The following MON2 variants were observed in gnomAD, a reference collection of about 807,000 sequenced individuals.
The protein encoded by MON2 is MON2 regulator of endosome-to-Golgi trafficking, also known as protein MON2 homolog.
MON2 carries 84 observed loss-of-function variants against 208.6 expected under a neutral mutation model. That is an observed-to-expected ratio of 0.40 (90% CI 0.34 to 0.48). The LOEUF is 0.48. Ranked by LOEUF, MON2 falls within the 20% of genes least tolerant of loss-of-function variation. The pLI, the probability that MON2 is intolerant of heterozygous loss-of-function variation, is 0.59. For missense variants in MON2, 1,611 were observed against 2,015.4 expected, an observed-to-expected ratio of 0.80 and a Z score of 3.84; for synonymous variants, 660 against 694.0, an observed-to-expected ratio of 0.95 and a Z score of 0.77.
chr12:62,587,379 T>A (rs989172781), intron 33 of MON2, among the ~76,000 whole-genome samples: 12 of 147,402 alleles, frequency 8.1e-5, no homozygotes, highest in Admixed American at 1.4e-4. Flanking sequence ...CTAATTAGTT[T>A]AAAAAAAAAA....
At chr12:62,513,051 A>G (rs1245220603) in intron 8 of MON2, among the ~76,000 whole-genome samples, 2 of 152,132 alleles carry the variant, frequency 1.3e-5, no homozygotes, top group African/African-American at 2.4e-5. Context: ...CCAGCCCACA[A>G]AACCACGTTT....
rs147998476 is a variant in MON2 at position 62,532,644 on chromosome 12, C to T, written c.1607C>T (p.Thr536Ile). 1.7e-4 allele frequency: 277 copies of T among 1,612,566 alleles called. 2 individuals are homozygous for T. The African/African-American group carries it at 2.9e-3, about 17-fold the overall frequency. ...ACAGAACAGCAGGATTTACAGTCAA[C>T]ATCAGACCAAATGGATAAGGAAATT... ...QSTEQQDLQS[T>I]SDQMDKEIVS... The change falls in exon 12 of 35, where the codon ACA becomes ATA. Residue 536 changes from threonine to isoleucine, a missense_variant. Thr to Ile is a moderately conservative substitution (Grantham distance 89). Coordinates refer to ENST00000393630, the MANE Select transcript of MON2 (RefSeq NM_015026.3).
intron 4 of MON2, among the ~76,000 whole-genome samples, chr12:62,498,227 G>C (rs2070641066): frequency 6.6e-6 from 1 of 152,092 alleles, no homozygotes; most frequent in East Asian, 1.9e-4. Context: ...AAGAAGGTGG[G>C]CCCAAATGAG....
chr12:62,504,683 C>CTT (rs75092735), intron 7 of MON2, among the ~76,000 whole-genome samples: 2 of 151,962 alleles, frequency 1.3e-5, no homozygotes, highest in Non-Finnish European at 2.9e-5. Flanking sequence ...GTATTTGTTT[C>CTT]TTTTTTTAAC....
Position 62,598,455 on chromosome 12 carries a change from T to C in MON2, c.*5706T>C, listed in dbSNP as rs1050920530. ...TGGAGAAAAATACTCCATACCTATA[T>C]TGCAATTTTATTTTTATCTAGAAAA... On this transcript the variant is annotated 3_prime_UTR_variant, in exon 35 of 35. Coordinates refer to ENST00000393630, the MANE Select transcript of MON2 (RefSeq NM_015026.3). The C allele has an allele frequency of 5.3e-5, 8 of 152,180 alleles. No individual in the cohort carries two copies. The highest frequency in any genetic ancestry group is 1.9e-4 in the African/African-American group (8 of 41,464). 9.4% of individuals were successfully genotyped at this position (152,180 alleles called of 1,614,324 possible).
chr12:62,555,320 C>T (rs2073917750), intron 24 of MON2, among the ~76,000 whole-genome samples: 1 of 151,868 alleles, frequency 6.6e-6, no homozygotes, highest in African/African-American at 2.4e-5. Context: ...GCTGGGACTA[C>T]AGATGTATAA....
chr12:62,592,613 T>C lies in MON2; in HGVS notation c.5018T>C (p.Ile1673Thr). The C allele has an allele frequency of 6.2e-7, 1 of 1,604,236 alleles. No homozygotes were observed. Among genetic ancestry groups the C allele is most frequent in the Non-Finnish European group, 8.5e-7 (1 of 1,172,756 alleles). The change falls in exon 35 of 35, where the codon ATT becomes ACT. Residue 1673 changes from isoleucine (I) to threonine (T), a missense_variant. Transcript: ENST00000393630. ...GATGGAAATACCTGGGCACAAGTAA[T>C]TGCCTTATACCCAACTTTAGTAGAA... ...NVDGNTWAQV[I>T]ALYPTLVECI...
chr12:62,471,124 A>C (rs566397649), intron 1 of MON2, among the ~76,000 whole-genome samples: 1 of 152,140 alleles, frequency 6.6e-6, no homozygotes, highest in Non-Finnish European at 1.5e-5. Flanking sequence ...GGCTTGGGAA[A>C]CTAGGTGGAT....
intron 34 of MON2, among the ~76,000 whole-genome samples, chr12:62,590,648 G>A (rs2075369479): frequency 6.6e-6 from 1 of 152,084 alleles, no homozygotes; most frequent in African/African-American, 2.4e-5. Flanking sequence ...TCCCGGTTTT[G>A]TACACAAATG....
intron 31 of MON2, among the ~76,000 whole-genome samples, chr12:62,579,063 C>A (rs1306169132): frequency 4.6e-5 from 7 of 151,328 alleles, no homozygotes; most frequent in Non-Finnish European, 2.9e-5. Flanking sequence ...TAGCAAGACA[C>A]CATCTCTACA....
In MON2 at chr12:62,588,316, CAATT is replaced by C. The variant is rs1164131783; in HGVS notation, c.4990+163_4990+166del. On this transcript the variant is annotated intron_variant, in intron 34 of 34. Transcript: ENST00000393630. The stretch of plus-strand genomic sequence containing the variant: ...CAAAGCATCAAGTCCATTAGGATGT[CAATT>C]AAGTAAAATTAATTTGTGATGTTTT... Among the ~76,000 whole-genome samples, 8 of 151,614 alleles carry C rather than the reference CAATT, an allele frequency of 5.3e-5. No individual in the cohort carries two copies. In the East Asian group the frequency reaches 1.5e-3, roughly 29 times the overall value.
At chr12:62,551,458 A>T (rs2073740734) in intron 23 of MON2, among the ~76,000 whole-genome samples, 1 of 152,214 alleles carries the variant, frequency 6.6e-6, no homozygotes, top group Non-Finnish European at 1.5e-5. Context: ...TGCACCCCAA[A>T]ATAGTTGCAA....
chr12:62,534,549 A>ATATATATATATATTT (rs2072860996), intron 12 of MON2, among the ~76,000 whole-genome samples: 1 of 76,114 alleles, frequency 1.3e-5, no homozygotes, highest in Non-Finnish European at 2.7e-5. Flanking sequence ...AAAAATATAT[A>ATATATATATATATTT]TATATATATA....
At chr12:62,590,312 G>C (rs10784310) in intron 34 of MON2, among the ~76,000 whole-genome samples, 114,667 of 151,574 alleles carry the variant, frequency 0.76, 44,081 homozygotes, top group African/African-American at 0.84. Flanking sequence ...AGGCTGGTCT[G>C]ATACTTCTGA....
In MON2 at chr12:62,534,870, G is replaced by A. The variant is rs767663879; in HGVS notation, c.1659G>A (p.Met553Ile). Residue 553 changes from methionine (M) to isoleucine (I), a missense_variant, in exon 13 of 35, where the codon ATG (methionine) becomes ATA (isoleucine). Transcript: ENST00000393630. ...EIVSRAVWEE[M>I]VNACWCGLLA... is the part of the protein sequence containing the mutation. Reference sequence around the variant, plus strand: ...TTAGTAGGGCTGTTTGGGAAGAAATGGTGAATGCCTGCTGGTGTGGTCTTC... The same window carrying A: ...TTAGTAGGGCTGTTTGGGAAGAAATAGTGAATGCCTGCTGGTGTGGTCTTC... The A allele has an allele frequency of 6.2e-7, 1 of 1,611,886 alleles. No individual in the cohort carries two copies. The highest frequency in any genetic ancestry group is 8.5e-7 in the Non-Finnish European group (1 of 1,178,726).
At chr12:62,534,536 A>ATATATATATAT (rs2072832463) in intron 12 of MON2, among the ~76,000 whole-genome samples, 1 of 28,492 alleles carries the variant, frequency 3.5e-5, no homozygotes, top group Non-Finnish European at 6.8e-5. Context: ...AAAAAAAAAA[A>ATATATATATAT]AAAAAAATAT....
intron 1 of MON2, among the ~76,000 whole-genome samples, chr12:62,474,065 T>A (rs903121769): frequency 6.6e-6 from 1 of 151,970 alleles, no homozygotes; most frequent in African/African-American, 2.4e-5. Context: ...ATCAAACACA[T>A]CTAGGACGTT....
chr12:62,568,914 A>G (rs980318640), intron 29 of MON2, among the ~76,000 whole-genome samples: 4 of 152,096 alleles, frequency 2.6e-5, no homozygotes, highest in African/African-American at 9.7e-5. Context: ...CAGCCTCCCA[A>G]AGTGCTGGGA....
At position 62,504,249 on chromosome 12, in the gene MON2, T is replaced by TC. The variant is rs1453878277; in HGVS notation, c.789+2551_789+2552insC. 3.4e-4 allele frequency among the ~76,000 whole-genome samples: 50 copies of TC among 147,678 alleles called. No homozygotes were observed. The East Asian group carries it at 4.3e-3, about 13-fold the overall frequency. Reference sequence around the variant, plus strand: ...CAGATTTTTTTCTTTTCTTTTCTTTTTTTTTTTTTTTTTGAGACAGCATCT... The same window carrying TC: ...CAGATTTTTTTCTTTTCTTTTCTTTTCTTTTTTTTTTTTTGAGACAGCATCT... On this transcript the variant is annotated intron_variant, in intron 7 of 34. Transcript: ENST00000393630.
Sources: gnomAD v4.1 joint callset for allele counts (sites outside exome capture counted in the v4.1 genomes callset) on GRCh38, gnomAD v4.1.1 for gene constraint, MANE v1.5 for transcripts, NCBI Gene and HGNC (gene_info 2026-07-23, HGNC 2026-07-21) for gene names.